The following MEGF9 variants were observed in gnomAD, a reference collection of about 807,000 sequenced individuals.
MEGF9 encodes the protein multiple epidermal growth factor-like domains protein 9.
In MEGF9, 6 loss-of-function variants were observed where a neutral mutation model predicts 46.8. The ratio of observed to expected loss-of-function variants is 0.13; its 90% CI spans 0.07 to 0.25. The LOEUF is 0.25. Ranked by LOEUF, MEGF9 falls within the 10% of genes least tolerant of loss-of-function variation. MEGF9 has a pLI of 1.00. For synonymous variants in MEGF9, 302 were observed against 330.7 expected, an observed-to-expected ratio of 0.91 and a Z score of 0.94; for missense variants, 683 against 792.4, an observed-to-expected ratio of 0.86 and a Z score of 1.66.
intron 2 of MEGF9, among the ~76,000 whole-genome samples, chr9:120,639,765 G>A (rs1042072498): frequency 1.4e-5 from 2 of 144,338 alleles, no homozygotes; most frequent in African/African-American, 5.1e-5. Flanking sequence ...TAGTATTATT[G>A]TTGAAGAAAT....
At chr9:120,616,376 A>G (rs1243060573) in intron 3 of MEGF9, among the ~76,000 whole-genome samples, 1 of 152,024 alleles carries the variant, frequency 6.6e-6, no homozygotes, top group Non-Finnish European at 1.5e-5. Context: ...GAGAGGCAAC[A>G]TAGCATTAAA....
chr9:120,659,561 A>T lies in MEGF9; in HGVS notation c.616T>A (p.Cys206Ser), dbSNP rs1440634060. 6.8e-6 allele frequency: 11 copies of T among 1,611,844 alleles called. No homozygotes were observed. Among genetic ancestry groups the T allele is most frequent in the Non-Finnish European group, 9.3e-6 (11 of 1,179,052 alleles). Residue 206 changes from cysteine to serine, a missense_variant, in exon 2 of 6, where the codon TGC becomes AGC. Transcript: ENST00000373930. ...ACATTCAGGCTTCCAACCACAGAGC[A>T]GTTACATACATACTCTGCAAAGGAA... Reference protein sequence around the residue: ...SSPPPEYVCNCSVVGSLNVNR... With the variant: ...SSPPPEYVCNSSVVGSLNVNR...
intron 3 of MEGF9, among the ~76,000 whole-genome samples, chr9:120,613,236 C>T (rs537369114): frequency 1.1e-4 from 16 of 152,012 alleles, no homozygotes; most frequent in African/African-American, 2.9e-4. Context: ...CCACACTAAG[C>T]GCACTAAGCA....
chr9:120,671,315 T>C (rs977720522), intron 1 of MEGF9, among the ~76,000 whole-genome samples: 7 of 152,120 alleles, frequency 4.6e-5, no homozygotes, highest in Non-Finnish European at 1.0e-4. Context: ...GCCCCAAACA[T>C]ATGGGTGAGG....
chr9:120,647,253 T>G (rs72755765), intron 2 of MEGF9, among the ~76,000 whole-genome samples: 10,962 of 151,916 alleles, frequency 0.072, 587 homozygotes, highest in African/African-American at 0.15. Flanking sequence ...AAAAATCCAC[T>G]GAAAAAAACA....
chr9:120,652,478 TAAAAA>T (rs57268783), intron 2 of MEGF9, among the ~76,000 whole-genome samples: 3,834 of 85,618 alleles, frequency 0.045, 220 homozygotes, highest in African/African-American at 0.17. Flanking sequence ...GATCTTGTCT[TAAAAA>T]AAAAAAAAAA....
At chr9:120,693,705 C>A (rs985710858) in intron 1 of MEGF9, among the ~76,000 whole-genome samples, 3 of 152,184 alleles carry the variant, frequency 2.0e-5, no homozygotes, top group Admixed American at 2.0e-4. Flanking sequence ...GGTTGCAAAG[C>A]ATTTGTAGCA....
chr9:120,622,915 T>C (rs1243175581), intron 2 of MEGF9, among the ~76,000 whole-genome samples, 160 bp from the exon 3 acceptor site: 1 of 152,358 alleles, frequency 6.6e-6, no homozygotes, highest in South Asian at 2.1e-4. Flanking sequence ...AAATTCTGTA[T>C]TGCTATTAAA....
chr9:120,685,556 T>C (rs1564427728), intron 1 of MEGF9, among the ~76,000 whole-genome samples: 1 of 152,230 alleles, frequency 6.6e-6, no homozygotes, highest in Non-Finnish European at 1.5e-5. Flanking sequence ...TTCTTTCTAC[T>C]TCACTTCTGA....
At position 120,602,102 on chromosome 9, in the gene MEGF9, C is replaced by G. The variant is rs2043399162; in HGVS notation, c.*3088G>C. On this transcript the variant is annotated 3_prime_UTR_variant, in exon 6 of 6. Coordinates refer to ENST00000373930, the MANE Select transcript of MEGF9 (RefSeq NM_001080497.3). ...TCGGCTCACTGTAACCTCTGCCTCC[C>G]AGGTTCAAGTGATTCTCCTGCCTCA... The G allele has an allele frequency of 6.6e-6, 1 of 152,250 alleles. No individual in the cohort carries two copies. The highest frequency in any genetic ancestry group is 2.1e-4 in the South Asian group (1 of 4,828). The allele number at this position is 152,250 out of a possible 1,614,324, so 9.4% of individuals were successfully genotyped here.
intron 2 of MEGF9, among the ~76,000 whole-genome samples, chr9:120,652,162 ACACACACACACACACACAC>A (rs2043653136): frequency 1.0e-4 from 4 of 38,860 alleles, no homozygotes; most frequent in Non-Finnish European, 2.6e-4. Context: ...ACACACACAC[ACACACACACACACACACAC>A]AAAAAAAAAA....
intron 2 of MEGF9, among the ~76,000 whole-genome samples, chr9:120,624,872 C>CAA (rs35120272): frequency 1.9e-5 from 2 of 104,088 alleles, no homozygotes; most frequent in Admixed American, 9.9e-5. Flanking sequence ...GACTCCGTCT[C>CAA]AAAAAAAAAA....
At position 120,714,439 on chromosome 9, in the gene MEGF9, C is replaced by T; in HGVS notation, c.-81G>A. ...AAGCCTCCGCAACCGCCGCCGCCAC[C>T]GCCACCGGGCGCACCATCGCCACCT... On this transcript the variant is annotated 5_prime_UTR_variant, in exon 1 of 6. Transcript: ENST00000373930. 8.7e-7 allele frequency: 1 copy of T among 1,144,176 alleles called. No homozygotes were observed. The highest frequency in any genetic ancestry group is 1.1e-6 in the Non-Finnish European group (1 of 909,946). 70.9% of individuals were successfully genotyped at this position (1,144,176 alleles called of 1,614,324 possible).
rs554973261 is a variant in MEGF9, at chr9:120,678,963, A to T, written c.602-19388T>A. Among the ~76,000 whole-genome samples the T allele has an allele frequency of 6.6e-5, 10 of 152,348 alleles. No homozygotes were observed. The South Asian group carries it at 2.1e-3, about 32-fold the overall frequency. ...CCAGTTACAATGGCGATCATTAAAAAGTCAGGAAACAACAGGTGCTGGAGA... is the reference window on the plus strand; with the variant it reads ...CCAGTTACAATGGCGATCATTAAAATGTCAGGAAACAACAGGTGCTGGAGA... On this transcript the variant is annotated intron_variant, in intron 1 of 5. Coordinates refer to ENST00000373930, the MANE Select transcript of MEGF9 (RefSeq NM_001080497.3).
chr9:120,678,119 G>A (rs2043781695), intron 1 of MEGF9, among the ~76,000 whole-genome samples: 1 of 152,114 alleles, frequency 6.6e-6, no homozygotes, highest in African/African-American at 2.4e-5. Context: ...CAAATGACAG[G>A]ATCTTATTCT....
Position 120,601,261 on chromosome 9 carries a change from G to C in MEGF9, c.*3929C>G, listed in dbSNP as rs2043394415. The C allele has an allele frequency of 6.6e-6, 1 of 152,186 alleles. No individual in the cohort carries two copies. Among genetic ancestry groups the C allele is most frequent in the African/African-American group, 2.4e-5 (1 of 41,440 alleles). The allele number at this position is 152,186 out of a possible 1,614,324, so 9.4% of individuals were successfully genotyped here. On this transcript the variant is annotated 3_prime_UTR_variant, in exon 6 of 6. Coordinates refer to ENST00000373930, the MANE Select transcript of MEGF9 (RefSeq NM_001080497.3). ...TCTAGGGCTGCTGCTGCAGTAACAA[G>C]TAACAATTCCTACCCACATAGCCCA...
intron 2 of MEGF9, among the ~76,000 whole-genome samples, chr9:120,648,528 C>T (rs2043635198): frequency 6.6e-6 from 1 of 152,084 alleles, no homozygotes; most frequent in Non-Finnish European, 1.5e-5. Context: ...AACTGCCTCT[C>T]TTAAGATCTC....
At chr9:120,690,268 G>C (rs2132337709) in intron 1 of MEGF9, among the ~76,000 whole-genome samples, 1 of 152,234 alleles carries the variant, frequency 6.6e-6, no homozygotes, top group Non-Finnish European at 1.5e-5. Flanking sequence ...TAAGTACACT[G>C]GGGTATTTTG....
intron 3 of MEGF9, among the ~76,000 whole-genome samples, chr9:120,615,322 C>T (rs578173380): frequency 2.7e-5 from 4 of 149,478 alleles, no homozygotes; most frequent in Admixed American, 2.0e-4. Context: ...CATGCACACA[C>T]ACACACTTGT....
Sources: allele counts gnomAD v4.1 joint callset (sites outside exome capture counted in the v4.1 genomes callset), GRCh38; gene constraint gnomAD v4.1.1; transcripts MANE v1.5; gene names NCBI Gene and HGNC (gene_info 2026-07-23, HGNC 2026-07-21).